NAV2: variants seen among roughly 807,000 people sequenced by gnomAD.
NAV2 encodes helicase, APC down-regulated 1.
A neutral mutation model predicts 223.2 loss-of-function variants in NAV2; 54 were observed. The ratio of observed to expected loss-of-function variants is 0.24; its 90% CI spans 0.19 to 0.30. NAV2 has a LOEUF of 0.30. Ranked by LOEUF, NAV2 falls within the 10% of genes least tolerant of loss-of-function variation. The pLI is 1.00. For missense variants in NAV2, 2,806 were observed against 3,147.5 expected (o/e 0.89, Z 2.60); for synonymous variants, 1,279 against 1,239.3 (o/e 1.03, Z -0.67).
intron 1 of NAV2, among the ~76,000 whole-genome samples, chr11:19,512,991 AG>A (rs1357889256): frequency 2.0e-5 from 3 of 151,992 alleles, no homozygotes; most frequent in African/African-American, 7.3e-5. Flanking sequence ...GAGCCCAAGA[AG>A]GACGATACGT....
chr11:19,875,014 G>A (rs1467692639), intron 4 of NAV2, among the ~76,000 whole-genome samples: 3 of 152,110 alleles, frequency 2.0e-5, no homozygotes, highest in South Asian at 4.1e-4. Flanking sequence ...AAAATTAGCC[G>A]GGCGTGGTGG....
At chr11:20,059,886 T>G (rs964746679) in intron 19 of NAV2, among the ~76,000 whole-genome samples, 20 of 152,220 alleles carry the variant, frequency 1.3e-4, no homozygotes, top group South Asian at 4.1e-4. Flanking sequence ...ATAACCACAT[T>G]GCACAACCTA....
intron 1 of NAV2, among the ~76,000 whole-genome samples, chr11:19,575,675 C>G (rs894869918): frequency 2.0e-5 from 3 of 152,212 alleles, no homozygotes; most frequent in African/African-American, 7.2e-5. Flanking sequence ...CACATAAGCC[C>G]TTTAAGGCAT....
At chr11:20,030,581 T>G (rs2055616448) in intron 11 of NAV2, among the ~76,000 whole-genome samples, 1 of 152,220 alleles carries the variant, frequency 6.6e-6, no homozygotes, top group African/African-American at 2.4e-5. Flanking sequence ...ATAATTAAAT[T>G]TTCTTAAATA....
intron 27 of NAV2, among the ~76,000 whole-genome samples, chr11:20,091,587 G>T (rs1365088432): frequency 1.3e-5 from 2 of 152,164 alleles, no homozygotes; most frequent in East Asian, 3.9e-4. Flanking sequence ...ATGGAGTGAA[G>T]ACATTTGGGT....
At chr11:19,460,025 G>A (rs1403451890) in intron 1 of NAV2, among the ~76,000 whole-genome samples, 5 of 152,134 alleles carry the variant, frequency 3.3e-5, no homozygotes, top group Admixed American at 2.6e-4. Context: ...TACTTTTTGT[G>A]TATCTCTGGG....
intron 1 of NAV2, among the ~76,000 whole-genome samples, chr11:19,450,564 C>T (rs1851755934): frequency 6.6e-6 from 1 of 152,288 alleles, no homozygotes; most frequent in Non-Finnish European, 1.5e-5. Flanking sequence ...AATTCAGAAC[C>T]TTTGCCATTT....
chr11:20,056,429 G>C, intron 19 of NAV2: 1 of 824,494 alleles, frequency 1.2e-6, no homozygotes, highest in South Asian at 1.5e-5. Flanking sequence ...TCAAGCACTG[G>C]GTTTTTAAGT....
At chr11:19,737,042 A>G (rs1007754034) in intron 1 of NAV2, among the ~76,000 whole-genome samples, 11 of 152,236 alleles carry the variant, frequency 7.2e-5, no homozygotes, top group African/African-American at 2.4e-4. Context: ...GCTCTCCTAG[A>G]ATTGGCTGCT....
chr11:19,945,153 CTCCCT>C (rs755938941), intron 8 of NAV2, among the ~76,000 whole-genome samples: 1,520 of 94,726 alleles, frequency 0.016, 32 homozygotes, highest in East Asian at 0.036. Flanking sequence ...TTCTTTCTGT[CTCCCT>C]TCCCTTCCCT....
intron 1 of NAV2, among the ~76,000 whole-genome samples, chr11:19,787,233 G>C (rs1395406421): frequency 4.0e-5 from 6 of 148,352 alleles, no homozygotes; most frequent in Non-Finnish European, 8.9e-5. Context: ...TGAGACTATA[G>C]GTACACACCA....
intron 1 of NAV2, among the ~76,000 whole-genome samples, chr11:19,665,022 G>A (rs1590057748): frequency 6.6e-6 from 1 of 152,188 alleles, no homozygotes; most frequent in Non-Finnish European, 1.5e-5. Context: ...CCTAAGTCTT[G>A]TGAAACTCAA....
chr11:20,092,971 CT>C, intron 28 of NAV2, 127 bp from the exon 29 acceptor site: 1 of 209,716 alleles, frequency 4.8e-6, no homozygotes, highest in African/African-American at 2.5e-5. Flanking sequence ...TCCTCTTCCC[CT>C]ACCCCCCCAC....
At chr11:19,431,622 T>C (rs750494638) in intron 1 of NAV2, among the ~76,000 whole-genome samples, 2 of 152,202 alleles carry the variant, frequency 1.3e-5, no homozygotes, top group Non-Finnish European at 2.9e-5. Flanking sequence ...GTGGTTCTGA[T>C]AGGGCTGTAA....
At chr11:19,528,958 A>G (rs2043938475) in intron 1 of NAV2, among the ~76,000 whole-genome samples, 1 of 150,816 alleles carries the variant, frequency 6.6e-6, no homozygotes, top group Non-Finnish European at 1.5e-5. Flanking sequence ...AAGAGTGAGT[A>G]GAAACTTATT....
chr11:19,804,896 G>A (rs1028245438), intron 1 of NAV2, among the ~76,000 whole-genome samples: 1 of 152,196 alleles, frequency 6.6e-6, no homozygotes, highest in African/African-American at 2.4e-5. Flanking sequence ...TGAAGACTGT[G>A]CATTCCCACT....
chr11:19,466,296 G>A (rs891080072), intron 1 of NAV2, among the ~76,000 whole-genome samples: 1 of 152,150 alleles, frequency 6.6e-6, no homozygotes, highest in Non-Finnish European at 1.5e-5. Flanking sequence ...ATTTGCACCT[G>A]TCCACAATCC....
chr11:19,713,581 T>C lies in NAV2; in HGVS notation c.-115T>C. 7.1e-7 allele frequency: 1 copy of C among 1,402,506 alleles called. No individual in the cohort carries two copies. The highest frequency in any genetic ancestry group is 1.8e-5 in the South Asian group (1 of 56,488). The allele number at this position is 1,402,506 out of a possible 1,614,324, so 86.9% of individuals were successfully genotyped here. ...GGATTTTTTTTTTAGCCGCTGGTGG[T>C]GGGCGCCTCGTGGGCTAAGGCCCGG... On this transcript the variant is annotated 5_prime_UTR_variant, in exon 1 of 38. Transcript: ENST00000349880. This position sits in a 1 kb window ranked among gnomAD's most constrained non-coding sequence, Gnocchi z 7.2.
At chr11:19,977,399 A>G (rs1219805616) in intron 10 of NAV2, among the ~76,000 whole-genome samples, 1 of 152,230 alleles carries the variant, frequency 6.6e-6, no homozygotes, top group Non-Finnish European at 1.5e-5. Flanking sequence ...ATCTTGTGTC[A>G]GTTTGGGGTG....
Sources: gnomAD v4.1 joint callset for allele counts (sites outside exome capture counted in the v4.1 genomes callset) on GRCh38, gnomAD v4.1.1 for gene constraint, Gnocchi (gnomAD v3.1) non-coding constraint, MANE v1.5 for transcripts, NCBI Gene and HGNC (gene_info 2026-07-23, HGNC 2026-07-21) for gene names.